POP1: variants seen among roughly 807,000 people sequenced by gnomAD.
POP1 encodes ribonucleases P/MRP protein subunit POP1.
Under a neutral mutation model 102.2 loss-of-function variants are expected in POP1, and 75 were observed. That is an observed-to-expected ratio of 0.73 (90% confidence interval 0.61 to 0.89). POP1 has a LOEUF of 0.89. Ranked by LOEUF, POP1 falls within the 40% of genes least tolerant of loss-of-function variation. The probability of loss-of-function intolerance (pLI) is 0.00; values close to 1 mark genes in which losing one functional copy is unlikely to be tolerated. For synonymous variants in POP1, 436 were observed against 464.1 expected (o/e 0.94, Z 0.78); for missense variants, 1,116 against 1,267.4 (o/e 0.88, Z 1.81).
intron 14 of POP1, among the ~76,000 whole-genome samples, chr8:98,155,676 G>A (rs1186608034): frequency 6.6e-6 from 1 of 151,954 alleles, no homozygotes; most frequent in Admixed American, 6.6e-5. Flanking sequence ...CTGCCTCCTG[G>A]GTTTAAGTGA....
In POP1 at chr8:98,150,283, G is replaced by C. The variant is rs138724150; in HGVS notation, c.1903-202G>C. ...ACTTGCTGTATTCACTTGGCATTGA[G>C]ATTCTTTTCCATATTGGTTAATGAA... On this transcript the variant is annotated intron_variant, in intron 13 of 15. Transcript: ENST00000401707. Among the ~76,000 whole-genome samples the C allele has an allele frequency of 6.9e-3, 1,050 of 152,278 alleles. 14 individuals are homozygous for C. The highest frequency in any genetic ancestry group is 0.024 in the African/African-American group (989 of 41,536).
chr8:98,146,444 C>A (rs2130620269), intron 11 of POP1, 124 bp from the exon 12 acceptor site: 2 of 768,674 alleles, frequency 2.6e-6, no homozygotes, highest in Non-Finnish European at 4.6e-6. Context: ...CAAGTAAATT[C>A]TTCTAAGTTA....
At position 98,158,477 on chromosome 8, in the gene POP1, A is replaced by C; in HGVS notation, c.*206A>C. ...TTCATCTTTCCCTGTCCTTGCTGTA[A>C]TACTTTTAAATTATTTGGCCAAAAG... On this transcript the variant is annotated 3_prime_UTR_variant, in exon 16 of 16. Transcript: ENST00000401707. The C allele has an allele frequency of 1.6e-6, 1 of 607,502 alleles. No individual in the cohort carries two copies. The highest frequency in any genetic ancestry group is 2.8e-6 in the Non-Finnish European group (1 of 353,628). The allele number at this position is 607,502 out of a possible 1,614,324, so 37.6% of individuals were successfully genotyped here. A position where few individuals can be genotyped will look rare whatever the true frequency, so the allele number is the denominator to read the frequency against.
intron 12 of POP1, 117 bp from the exon 13 acceptor site, chr8:98,148,698 T>C: frequency 1.1e-6 from 1 of 893,436 alleles, no homozygotes. Context: ...TTTAGAACGT[T>C]TTTCTCTTGC....
chr8:98,136,065 AT>A (rs869117815), intron 7 of POP1, among the ~76,000 whole-genome samples: 3 of 88,614 alleles, frequency 3.4e-5, no homozygotes, highest in African/African-American at 1.2e-4. Context: ...TACAAATGTG[AT>A]TTTTTTTTAT....
intron 14 of POP1, among the ~76,000 whole-genome samples, chr8:98,153,662 C>T (rs995693053): frequency 1.0e-4 from 15 of 150,158 alleles, no homozygotes; most frequent in African/African-American, 3.4e-4. Flanking sequence ...CTCAGCCTTC[C>T]GAGTAGCTAG....
intron 11 of POP1, among the ~76,000 whole-genome samples, chr8:98,142,330 T>C (rs1224389827): frequency 6.6e-6 from 1 of 152,220 alleles, no homozygotes; most frequent in African/African-American, 2.4e-5. Flanking sequence ...GTGCTGGGAT[T>C]ACAGGTGTGA....
chr8:98,137,062 GT>G, intron 9 of POP1, 108 bp downstream of exon 9: 1 of 957,422 alleles, frequency 1.0e-6, no homozygotes, highest in Non-Finnish European at 1.6e-6. Context: ...GCTTTTAGAT[GT>G]TTATTTCCCT....
At chr8:98,128,859 G>A (rs1016301618) in intron 4 of POP1, among the ~76,000 whole-genome samples, 1 of 152,102 alleles carries the variant, frequency 6.6e-6, no homozygotes. Context: ...GGGAGGTTGA[G>A]GCTGCAATGA....
In POP1 at chr8:98,158,118, G is replaced by A; in HGVS notation, c.2922G>A (p.Met974Ile). ...TTGTGACTCAGGGAGATTTTTCCAT[G>A]GCTGTTGGCTGTGGAGAAGCCCTGG... ...LGFVTQGDFS[M>I]AVGCGEALGF... is the part of the protein sequence containing the mutation. Residue 974 changes from methionine to isoleucine, a missense_variant, in exon 16 of 16, where the codon ATG (methionine) becomes ATA (isoleucine). By Grantham distance (10) the Met-to-Ile change is conservative (BLOSUM62 1). Transcript: ENST00000401707. The A allele has an allele frequency of 6.2e-7, 1 of 1,605,288 alleles. No homozygotes were observed. Among genetic ancestry groups the A allele is most frequent in the Non-Finnish European group, 8.5e-7 (1 of 1,176,232 alleles).
rs553025906 is a variant in POP1 at position 98,149,931 on chromosome 8, A to G, written c.1903-554A>G. Among the ~76,000 whole-genome samples the G allele has an allele frequency of 1.2e-4, 19 of 152,312 alleles. 1 individual carries two copies. The Middle Eastern group carries it at 0.024, about 191-fold the overall frequency. On this transcript the variant is annotated intron_variant, in intron 13 of 15. Coordinates refer to ENST00000401707, the MANE Select transcript of POP1 (RefSeq NM_001145860.2). Reference sequence around the variant, plus strand: ...CATTCAGGAGTAGGAATATTTAAAAATAATCCTACTTAATTTTTTACTATG... The same window carrying G: ...CATTCAGGAGTAGGAATATTTAAAAGTAATCCTACTTAATTTTTTACTATG...
At chr8:98,135,501 C>T (rs1816508845) in intron 7 of POP1, among the ~76,000 whole-genome samples, 1 of 152,050 alleles carries the variant, frequency 6.6e-6, no homozygotes, top group Non-Finnish European at 1.5e-5. Flanking sequence ...AGCTTCCCTT[C>T]TTTAGCATAC....
chr8:98,128,606 C>A, intron 4 of POP1, 66 bp downstream of exon 4: 1 of 1,545,926 alleles, frequency 6.5e-7, no homozygotes, highest in South Asian at 1.1e-5. Flanking sequence ...GAAGTATTGA[C>A]CTAATAGAAT....
rs1177552505 is a variant in POP1 at position 98,147,605 on chromosome 8, G to A, written c.1710+922G>A. Reference sequence around the variant, plus strand: ...GTTGGAGATGGGGGGTGAGGAAGCTGGAGAGAGACTGTGGGTTGGATGGCC... The same window carrying A: ...GTTGGAGATGGGGGGTGAGGAAGCTAGAGAGAGACTGTGGGTTGGATGGCC... On this transcript the variant is annotated intron_variant, in intron 12 of 15. Transcript: ENST00000401707. Among the ~76,000 whole-genome samples, 3 of 152,138 alleles carry A rather than the reference G, an allele frequency of 2.0e-5. No individual in the cohort carries two copies. In the East Asian group the frequency reaches 5.8e-4, roughly 29 times the overall value.
intron 14 of POP1, among the ~76,000 whole-genome samples, chr8:98,152,263 G>A (rs940328327): frequency 1.3e-5 from 2 of 152,148 alleles, no homozygotes; most frequent in African/African-American, 4.8e-5. Context: ...ATTTTCCATA[G>A]ATATACATAT....
At chr8:98,150,443 T>C (rs1481798004) in intron 13 of POP1, 42 bp from the exon 14 acceptor site, 1 of 1,610,822 alleles carries the variant, frequency 6.2e-7, no homozygotes, top group Non-Finnish European at 8.5e-7. Flanking sequence ...CAATTCACTT[T>C]AAGTTGGTAG....
intron 13 of POP1, among the ~76,000 whole-genome samples, chr8:98,149,385 C>T (rs1809458724): frequency 6.6e-6 from 1 of 152,016 alleles, no homozygotes; most frequent in African/African-American, 2.4e-5. Flanking sequence ...TAACTATAAC[C>T]ATATACTCCT....
chr8:98,124,344 C>G (rs918567002), intron 2 of POP1, among the ~76,000 whole-genome samples: 1 of 152,106 alleles, frequency 6.6e-6, no homozygotes, highest in Non-Finnish European at 1.5e-5. Flanking sequence ...GGCGGATCAC[C>G]TGAAGTCAGG....
chr8:98,136,625 A>G lies in POP1; in HGVS notation c.1155A>G (p.Lys385=). The change falls in exon 8 of 16, where the codon AAA becomes AAG. Residue 385 remains lysine, a synonymous_variant. Coordinates refer to ENST00000401707, the MANE Select transcript of POP1 (RefSeq NM_001145860.2). ...ACGAGAAAATTGGCAAGAAAAGAAA[A>G]AGGAAAGATGATGGAGAAAATGCTA... ...LPDEKIGKKR[K]RKDDGENAKP... 2 of 1,614,102 alleles carry G rather than the reference A, an allele frequency of 1.2e-6. No individual in the cohort carries two copies. The highest frequency in any genetic ancestry group is 1.7e-6 in the Non-Finnish European group (2 of 1,179,994).
Sources: allele counts gnomAD v4.1 joint callset (sites outside exome capture counted in the v4.1 genomes callset), GRCh38; gene constraint gnomAD v4.1.1; transcripts MANE v1.5; gene names NCBI Gene and HGNC (gene_info 2026-07-23, HGNC 2026-07-21).